CD109: variants seen among roughly 807,000 people sequenced by gnomAD.
The protein encoded by CD109 is CD109 antigen.
A neutral mutation model predicts 165.8 loss-of-function variants in CD109; 149 were observed. That is an observed-to-expected ratio of 0.90 (90% CI 0.79 to 1.03). The LOEUF (loss-of-function observed/expected upper bound fraction) is 1.03, where lower values mean the gene tolerates loss of function less well. Among genes scored for constraint, CD109 ranks in the 50% least tolerant of loss-of-function variants. The probability of loss-of-function intolerance (pLI) is 0.00; values close to 1 mark genes in which losing one functional copy is unlikely to be tolerated. For synonymous variants in CD109, 585 were observed against 592.1 expected (o/e 0.99, Z 0.18); for missense variants, 1,712 against 1,677.8 (o/e 1.02, Z -0.36).
intron 32 of CD109, among the ~76,000 whole-genome samples, chr6:73,822,912 TA>T (rs141228481): frequency 0.037 from 5,685 of 152,334 alleles, 344 homozygotes; most frequent in African/African-American, 0.13. Context: ...ACTGTGGTGT[TA>T]TAGGTACTTT....
At chr6:73,744,397 T>C (rs1439487892) in intron 5 of CD109, among the ~76,000 whole-genome samples, 1 of 152,230 alleles carries the variant, frequency 6.6e-6, no homozygotes, top group Non-Finnish European at 1.5e-5. Context: ...TGCTATATCA[T>C]CTTGCAACTT....
At chr6:73,729,528 T>G (rs900625840) in intron 3 of CD109, among the ~76,000 whole-genome samples, 7 of 148,786 alleles carry the variant, frequency 4.7e-5, no homozygotes, top group African/African-American at 1.7e-4. Flanking sequence ...ATTATTATTA[T>G]TATTATTTTG....
intron 23 of CD109, among the ~76,000 whole-genome samples, chr6:73,795,851 G>A (rs1775143213): frequency 6.6e-6 from 1 of 152,048 alleles, no homozygotes; most frequent in Non-Finnish European, 1.5e-5. Context: ...CACTTAGTAG[G>A]GTTGTTTTTA....
At chr6:73,771,885 T>A (rs550633116) in intron 15 of CD109, among the ~76,000 whole-genome samples, 6 of 152,334 alleles carry the variant, frequency 3.9e-5, no homozygotes, top group African/African-American at 1.4e-4. Context: ...ATGTACCATA[T>A]ACTTGAAAAT....
intron 27 of CD109, 36 bp from the exon 28 acceptor site, chr6:73,810,956 T>C (rs1233709881): frequency 6.3e-7 from 1 of 1,591,234 alleles, no homozygotes; most frequent in Admixed American, 1.8e-5. Flanking sequence ...CCTTGATATA[T>C]ACTTATATGT....
chr6:73,780,491 T>A lies in CD109; in HGVS notation c.1895T>A (p.Val632Asp). The change falls in exon 16 of 33, where the codon GTC becomes GAC. Residue 632 changes from valine to aspartate, a missense_variant. Transcript: ENST00000287097. ...GGCATGTTCATGAATTCTTTTGCAG[T>A]CTTTCAGGTATGTTTTGCTTGCTAT... ...YLGMFMNSFA[V>D]FQECGLWVLT... is the part of the protein sequence containing the mutation. 1 of 1,603,680 alleles carries A rather than the reference T, an allele frequency of 6.2e-7. No individual in the cohort carries two copies. The highest frequency in any genetic ancestry group is 1.1e-5 in the South Asian group (1 of 90,744).
At chr6:73,725,728 G>T (rs1172284292) in intron 3 of CD109, among the ~76,000 whole-genome samples, 1 of 151,910 alleles carries the variant, frequency 6.6e-6, no homozygotes, top group Non-Finnish European at 1.5e-5. Context: ...GGTCTGGCTG[G>T]TCTTGAACTT....
chr6:73,698,722 G>T (rs900661572), intron 2 of CD109, among the ~76,000 whole-genome samples: 7 of 152,164 alleles, frequency 4.6e-5, no homozygotes, highest in Non-Finnish European at 8.8e-5. Flanking sequence ...GTGTGTGTAG[G>T]GGCAAGTCAC....
At chr6:73,802,305 ATT>A (rs71542232) in intron 23 of CD109, among the ~76,000 whole-genome samples, 24 of 47,596 alleles carry the variant, frequency 5.0e-4, no homozygotes, top group African/African-American at 2.0e-3. Flanking sequence ...ATATATATAT[ATT>A]TTTTTTTTTT....
intron 2 of CD109, among the ~76,000 whole-genome samples, chr6:73,713,460 C>T (rs1236557454): frequency 6.6e-6 from 1 of 151,732 alleles, no homozygotes; most frequent in East Asian, 1.9e-4. Flanking sequence ...ACGATGTTGC[C>T]CAGGCTGGTC....
chr6:73,728,561 T>G (rs1329705286), intron 3 of CD109, among the ~76,000 whole-genome samples: 1 of 152,208 alleles, frequency 6.6e-6, no homozygotes, highest in Non-Finnish European at 1.5e-5. Flanking sequence ...ATCCATCCAT[T>G]AGTTCATCTT....
At position 73,762,752 on chromosome 6, in the gene CD109, T is replaced by C; in HGVS notation, c.867T>C (p.Ser289=). 6.2e-7 allele frequency: 1 copy of C among 1,601,498 alleles called. No homozygotes were observed. The highest frequency in any genetic ancestry group is 8.5e-7 in the Non-Finnish European group (1 of 1,173,078). Residue 289 remains serine, a synonymous_variant, in exon 9 of 33, where the codon TCT becomes TCC. Coordinates refer to ENST00000287097, the MANE Select transcript of CD109 (RefSeq NM_133493.5). The part of the protein sequence containing the change: ...NITKTFKING[S]ANFSFNDEEM... The stretch of plus-strand genomic sequence containing the variant: ...TTTAAACAAAACAGATAAATGGATC[T>C]GCAAACTTCTCTTTTAATGATGAAG...
the CD109 span, among the ~76,000 whole-genome samples, chr6:73,680,476 C>G: frequency 2.0e-4 from 31 of 152,104 alleles, no homozygotes; most frequent in Non-Finnish European, 3.7e-4. Flanking sequence ...AGGGTGTGTT[C>G]GTTGTATTTT....
chr6:73,811,196 T>C (rs747012214), intron 28 of CD109, 49 bp downstream of exon 28: 2 of 1,568,092 alleles, frequency 1.3e-6, no homozygotes, highest in South Asian at 2.3e-5. Flanking sequence ...CAATTCTTTA[T>C]GCTGGAATAC....
At chr6:73,719,525 A>G (rs533358576) in intron 2 of CD109, among the ~76,000 whole-genome samples, 2 of 152,292 alleles carry the variant, frequency 1.3e-5, no homozygotes, top group Admixed American at 1.3e-4. Context: ...ATCAGCATGA[A>G]CTCATAGATT....
chr6:73,770,272 A>G (rs1000098263), intron 14 of CD109, among the ~76,000 whole-genome samples: 9 of 152,248 alleles, frequency 5.9e-5, no homozygotes, highest in Non-Finnish European at 1.3e-4. Context: ...GAAAGAATTT[A>G]TAATTGCATG....
chr6:73,773,597 G>C (rs189990454), intron 15 of CD109, among the ~76,000 whole-genome samples: 2 of 152,058 alleles, frequency 1.3e-5, no homozygotes, highest in African/African-American at 2.4e-5. Context: ...GTTACAAACT[G>C]TACCCATATT....
the CD109 span, among the ~76,000 whole-genome samples, chr6:73,679,474 C>T: frequency 6.6e-6 from 1 of 150,962 alleles, no homozygotes; most frequent in Admixed American, 6.6e-5. Context: ...AATCCTGTAC[C>T]CTTGGATAAT....
chr6:73,683,585 C>T, the CD109 span, among the ~76,000 whole-genome samples: 1 of 152,202 alleles, frequency 6.6e-6, no homozygotes, highest in Non-Finnish European at 1.5e-5. Flanking sequence ...GTCACTTCAA[C>T]ATTTTTGGGT....
Sources: allele counts gnomAD v4.1 joint callset (sites outside exome capture counted in the v4.1 genomes callset), GRCh38; gene constraint gnomAD v4.1.1; transcripts MANE v1.5; gene names NCBI Gene and HGNC (gene_info 2026-07-23, HGNC 2026-07-21).